CYBRD1: variants seen among roughly 807,000 people sequenced by gnomAD.
The protein encoded by CYBRD1 is cytochrome b reductase 1.
CYBRD1 carries 14 observed loss-of-function variants against 21.9 expected under a neutral mutation model. That is an observed-to-expected ratio of 0.64 (90% CI 0.42 to 1.00). The LOEUF (loss-of-function observed/expected upper bound fraction) is 1.00. CYBRD1 is among the 50% of genes least tolerant of loss of function. The pLI is 0.00. For missense variants in CYBRD1, 328 were observed against 352.5 expected (o/e 0.93, Z 0.56); for synonymous variants, 146 against 136.5 (o/e 1.07, Z -0.48).
chr2:171,536,136 T>TC (rs1402940593), intron 1 of CYBRD1, among the ~76,000 whole-genome samples: 2 of 142,804 alleles, frequency 1.4e-5, no homozygotes, highest in African/African-American at 2.7e-5. Flanking sequence ...AGTTACTCTT[T>TC]TTTTTTTTTT....
rs201634120 is a variant in CYBRD1, at chr2:171,545,377, C to CT, written c.402+3590dup. On this transcript the variant is annotated intron_variant, in intron 2 of 3. Transcript: ENST00000321348. ...GCTATCTCTGCTGAGATGAATATAC[C>CT]TTTTTTGTTTTTTTTTTTTGAGATG... Among the ~76,000 whole-genome samples, 84 of 109,774 alleles carry CT rather than the reference C, an allele frequency of 7.7e-4. 5 individuals are homozygous for CT. Among genetic ancestry groups the CT allele is most frequent in the Middle Eastern group, 4.7e-3 (1 of 214 alleles). 72.0% of individuals were successfully genotyped at this position (109,774 alleles called of 152,430 possible).
At chr2:171,535,603 T>C (rs189418747) in intron 1 of CYBRD1, among the ~76,000 whole-genome samples, 28 of 151,346 alleles carry the variant, frequency 1.9e-4, no homozygotes, top group South Asian at 6.3e-4. Context: ...GAGTAAGAAG[T>C]CTTCACTGGG....
intron 1 of CYBRD1, among the ~76,000 whole-genome samples, chr2:171,538,358 AC>A (rs1412931405): frequency 6.6e-6 from 1 of 152,206 alleles, no homozygotes; most frequent in African/African-American, 2.4e-5. Context: ...ACAGTGGAGA[AC>A]CAGCAAGACA....
At position 171,522,535 on chromosome 2, in the gene CYBRD1, A is replaced by T; in HGVS notation, c.-11A>T. On this transcript the variant is annotated 5_prime_UTR_variant, in exon 1 of 4. The change abolishes an upstream ATG in the 5' untranslated region. Coordinates refer to ENST00000321348, the MANE Select transcript of CYBRD1 (RefSeq NM_024843.4). This position sits in a 1 kb window ranked among gnomAD's most constrained non-coding sequence, Gnocchi z 4.3. ...TCTTGTGGCCCCCGCGGTGCGGAGT[A>T]TGGGGCGCTGATGGCCATGGAGGGC... The T allele has an allele frequency of 6.3e-7, 1 of 1,589,774 alleles. No individual in the cohort carries two copies. Among genetic ancestry groups the T allele is most frequent in the South Asian group, 1.1e-5 (1 of 87,710 alleles).
Position 171,541,803 on chromosome 2 carries a change from T to C in CYBRD1, c.402+10T>C. On this transcript the variant is annotated intron_variant, in intron 2 of 3. Coordinates refer to ENST00000321348, the MANE Select transcript of CYBRD1 (RefSeq NM_024843.4). ...ATGCTATTTGTTACAGGTCAGTATT[T>C]CAGTGTATTTACAAGCAAGTTATAA... The C allele has an allele frequency of 6.3e-7, 1 of 1,599,444 alleles. No individual in the cohort carries two copies. Among genetic ancestry groups the C allele is most frequent in the Non-Finnish European group, 8.6e-7 (1 of 1,167,714 alleles).
chr2:171,556,776 C>T lies in CYBRD1; in HGVS notation c.*1949C>T, dbSNP rs1285521238. ...CACAAAGTGGTAGCACAATTAAATTCAGTATGGGTGGAGCATGGTACAGTC... is the reference window on the plus strand; with the variant it reads ...CACAAAGTGGTAGCACAATTAAATTTAGTATGGGTGGAGCATGGTACAGTC... On this transcript the variant is annotated 3_prime_UTR_variant, in exon 4 of 4. Transcript: ENST00000321348. The T allele has an allele frequency of 2.6e-5, 4 of 152,178 alleles. No homozygotes were observed. The highest frequency in any genetic ancestry group is 6.6e-5 in the Admixed American group (1 of 15,252). The allele number at this position is 152,178 out of a possible 1,614,324, so 9.4% of individuals were successfully genotyped here. A position where few individuals can be genotyped will look rare whatever the true frequency, so the allele number is the denominator to read the frequency against.
rs1697331422 is a variant in CYBRD1, at chr2:171,522,996, G to A, written c.193+258G>A. On this transcript the variant is annotated intron_variant, in intron 1 of 3. Transcript: ENST00000321348. This position sits in a 1 kb window ranked among gnomAD's most constrained non-coding sequence, Gnocchi z 4.3. ...GGTGCGCGGTGGAGACGCGCTGCTGGGGGCGGCGGAGCGGGGCCGGCCCCA... is the reference window on the plus strand; with the variant it reads ...GGTGCGCGGTGGAGACGCGCTGCTGAGGGCGGCGGAGCGGGGCCGGCCCCA... 2 of 542,460 alleles carry A rather than the reference G, an allele frequency of 3.7e-6. No homozygotes were observed. The highest frequency in any genetic ancestry group is 6.4e-6 in the Non-Finnish European group (2 of 313,112). The allele number at this position is 542,460 out of a possible 1,614,324, so 33.6% of individuals were successfully genotyped here.
chr2:171,553,296 A>T, intron 2 of CYBRD1, 50 bp from the exon 3 acceptor site: 1 of 1,593,334 alleles, frequency 6.3e-7, no homozygotes, highest in Non-Finnish European at 8.6e-7. Flanking sequence ...ATTTAAAATT[A>T]GTTTAGAACT....
At chr2:171,533,360 T>C (rs1697498844) in intron 1 of CYBRD1, among the ~76,000 whole-genome samples, 1 of 152,196 alleles carries the variant, frequency 6.6e-6, no homozygotes, top group African/African-American at 2.4e-5. Context: ...AGAGAGAGAC[T>C]CTGTCTCAGA....
At chr2:171,533,316 G>A (rs897620994) in intron 1 of CYBRD1, among the ~76,000 whole-genome samples, 2 of 152,080 alleles carry the variant, frequency 1.3e-5, no homozygotes, top group Admixed American at 6.5e-5. Context: ...GCAGTGAGCC[G>A]AGATCCCGCC....
intron 2 of CYBRD1, among the ~76,000 whole-genome samples, chr2:171,544,675 A>G (rs1008522633): frequency 6.6e-6 from 1 of 152,176 alleles, no homozygotes; most frequent in African/African-American, 2.4e-5. Flanking sequence ...ATCACCATTT[A>G]TTGAATCATC....
In CYBRD1 at chr2:171,534,860, A is replaced by T. The variant is rs575049501; in HGVS notation, c.194-6725A>T. Among the ~76,000 whole-genome samples, 3 of 152,362 alleles carry T rather than the reference A, an allele frequency of 2.0e-5. No homozygotes were observed. The East Asian group carries it at 5.8e-4, about 29-fold the overall frequency. The stretch of plus-strand genomic sequence containing the variant: ...CACGACCCAGATTTAACAGATGTTA[A>T]GATTTTCAGCAACATAAAATTTTAT... On this transcript the variant is annotated intron_variant, in intron 1 of 3. Coordinates refer to ENST00000321348, the MANE Select transcript of CYBRD1 (RefSeq NM_024843.4).
intron 1 of CYBRD1, among the ~76,000 whole-genome samples, chr2:171,528,156 G>A (rs1697411215): frequency 6.6e-6 from 1 of 152,022 alleles, no homozygotes. Flanking sequence ...TGTGATTTGA[G>A]CTCACCGCAA....
Position 171,522,710 on chromosome 2 carries a change from C to A in CYBRD1, c.165C>A (p.Val55=), listed in dbSNP as rs762788179. ...TTAACTGGCACCCAGTGCTCATGGT[C>A]ACCGGCTTCGTCTTCATCCAGGGCA... The part of the protein sequence containing the change: ...LEFNWHPVLM[V]TGFVFIQGIA... Residue 55 remains valine (V), a synonymous_variant, in exon 1 of 4, where the codon GTC becomes GTA. Coordinates refer to ENST00000321348, the MANE Select transcript of CYBRD1 (RefSeq NM_024843.4). The surrounding 1 kb of genome is among the most constrained non-coding windows in gnomAD (Gnocchi z 4.3). The A allele has an allele frequency of 1.1e-5, 17 of 1,613,504 alleles. No individual in the cohort carries two copies. In the Admixed American group the frequency reaches 2.3e-4, roughly 22 times the overall value.
Position 171,522,828 on chromosome 2 carries a change from A to T in CYBRD1, c.193+90A>T, listed in dbSNP as rs996699517. ...TCCGTGAAGCCCCTTCCAGCTGAGGAAGTGCTGGAGGATCGCGGGGCCCGG... is the reference window on the plus strand; with the variant it reads ...TCCGTGAAGCCCCTTCCAGCTGAGGTAGTGCTGGAGGATCGCGGGGCCCGG... On this transcript the variant is annotated intron_variant, in intron 1 of 3. Coordinates refer to ENST00000321348, the MANE Select transcript of CYBRD1 (RefSeq NM_024843.4). The surrounding 1 kb of genome is among the most constrained non-coding windows in gnomAD (Gnocchi z 4.3). 1 of 1,578,508 alleles carries T rather than the reference A, an allele frequency of 6.3e-7. No individual in the cohort carries two copies. The highest frequency in any genetic ancestry group is 1.3e-5 in the African/African-American group (1 of 74,674).
chr2:171,533,682 T>G (rs937716356), intron 1 of CYBRD1, among the ~76,000 whole-genome samples: 1 of 152,198 alleles, frequency 6.6e-6, no homozygotes, highest in South Asian at 2.1e-4. Context: ...GAGATTACAT[T>G]TTAGAGAGTA....
At chr2:171,529,281 C>T (rs1697428940) in intron 1 of CYBRD1, among the ~76,000 whole-genome samples, 1 of 152,244 alleles carries the variant, frequency 6.6e-6, no homozygotes, top group Admixed American at 6.5e-5. Flanking sequence ...CCTGTAATCC[C>T]AGCACTTTGG....
chr2:171,541,606 C>G lies in CYBRD1; in HGVS notation c.215C>G (p.Pro72Arg). The G allele has an allele frequency of 1.2e-6, 2 of 1,613,828 alleles. No individual in the cohort carries two copies. Among genetic ancestry groups the G allele is most frequent in the African/African-American group, 2.7e-5 (2 of 74,986 alleles). ...QGIAIIVYRL[P>R]WTWKCSKLLM... ...CTAGCCATCATCGTCTACAGACTGCCGTGGACCTGGAAATGCAGCAAGCTC... is the reference window on the plus strand; with the variant it reads ...CTAGCCATCATCGTCTACAGACTGCGGTGGACCTGGAAATGCAGCAAGCTC... Residue 72 changes from proline to arginine, a missense_variant, in exon 2 of 4, where the codon CCG becomes CGG. Pro to Arg is a moderately radical substitution (Grantham distance 103, BLOSUM62 -2). Transcript: ENST00000321348.
chr2:171,531,380 G>A (rs1295777673), intron 1 of CYBRD1, among the ~76,000 whole-genome samples: 3 of 152,076 alleles, frequency 2.0e-5, no homozygotes, highest in Admixed American at 1.3e-4. Context: ...TGTAAAACAA[G>A]TAAGATACAG....
Sources: allele counts gnomAD v4.1 joint callset (sites outside exome capture counted in the v4.1 genomes callset), GRCh38; gene constraint gnomAD v4.1.1; non-coding constraint Gnocchi (gnomAD v3.1); transcripts MANE v1.5; gene names NCBI Gene and HGNC (gene_info 2026-07-23, HGNC 2026-07-21).